NBDY: variants seen among roughly 807,000 people sequenced by gnomAD.
NBDY encodes P-body dissociating protein.
chrX:56,735,586 C>T (rs760705068), intron 2 of NBDY, among the ~76,000 whole-genome samples: 17 of 111,763 alleles, frequency 1.5e-4, no homozygotes, highest in Admixed American at 2.8e-4. Flanking sequence ...TCCACCCACC[C>T]GGCTCCCTAC....
intron 2 of NBDY, among the ~76,000 whole-genome samples, chrX:56,745,165 G>A (rs2069550543): frequency 9.0e-6 from 1 of 111,577 alleles, no homozygotes. Flanking sequence ...GGGCGGGTAA[G>A]GAATACAGCG....
At chrX:56,808,317 G>C (rs753489198) in intron 2 of NBDY, among the ~76,000 whole-genome samples, 2 of 111,871 alleles carry the variant, frequency 1.8e-5, no homozygotes, top group African/African-American at 3.3e-5. Context: ...GTTTGGAATA[G>C]TTTCAGAAGG....
chrX:56,816,742 T>A (rs2069912499), intron 2 of NBDY, among the ~76,000 whole-genome samples: 1 of 110,452 alleles, frequency 9.1e-6, no homozygotes, highest in Non-Finnish European at 1.9e-5. Flanking sequence ...TAAATAGAAA[T>A]AAAAAGGTCT....
intron 2 of NBDY, among the ~76,000 whole-genome samples, chrX:56,791,189 C>T (rs1433014615): frequency 8.9e-6 from 1 of 112,300 alleles, no homozygotes; most frequent in Non-Finnish European, 1.9e-5. Context: ...GTTTTGTCCA[C>T]TTTTGTTTGG....
chrX:56,731,466 G>A (rs1199766456), intron 1 of NBDY, among the ~76,000 whole-genome samples: 1 of 108,976 alleles, frequency 9.2e-6, no homozygotes, highest in Non-Finnish European at 1.9e-5. Context: ...AGCTACTCGG[G>A]ACGCTGAATT....
At chrX:56,738,579 T>G (rs975191577) in intron 2 of NBDY, among the ~76,000 whole-genome samples, 1 of 111,821 alleles carries the variant, frequency 8.9e-6, no homozygotes, top group Non-Finnish European at 1.9e-5. Context: ...CCTCTCTCTT[T>G]AGGCTCAAAT....
At chrX:56,781,422 A>T (rs1367372118) in intron 2 of NBDY, among the ~76,000 whole-genome samples, 6 of 111,763 alleles carry the variant, frequency 5.4e-5, no homozygotes, top group Non-Finnish European at 9.4e-5. Context: ...CTGGCCCAAC[A>T]GATCTTTGTG....
At chrX:56,784,226 C>T (rs187909829) in intron 2 of NBDY, among the ~76,000 whole-genome samples, 1 of 112,352 alleles carries the variant, frequency 8.9e-6, no homozygotes, top group East Asian at 2.8e-4. Context: ...TAGCACTCTT[C>T]CTCTTGGGGA....
At chrX:56,748,128 C>T (rs1461508408) in intron 2 of NBDY, among the ~76,000 whole-genome samples, 1 of 111,430 alleles carries the variant, frequency 9.0e-6, no homozygotes, top group Non-Finnish European at 1.9e-5. Context: ...AGGATAATCT[C>T]CTTTACTTAA....
intron 2 of NBDY, among the ~76,000 whole-genome samples, chrX:56,809,064 C>G (rs1376108002): frequency 8.9e-6 from 1 of 112,433 alleles, no homozygotes; most frequent in Non-Finnish European, 1.9e-5. Flanking sequence ...TGTAGCTGTG[C>G]GGTTTTGAGT....
At chrX:56,751,609 A>G (rs1387665557) in intron 2 of NBDY, among the ~76,000 whole-genome samples, 1 of 112,038 alleles carries the variant, frequency 8.9e-6, no homozygotes, top group Non-Finnish European at 1.9e-5. Context: ...TGTAAACAAC[A>G]CCTAGATCAA....
chrX:56,810,536 C>T (rs775899497), intron 2 of NBDY, among the ~76,000 whole-genome samples: 17 of 109,333 alleles, frequency 1.6e-4, no homozygotes, highest in Non-Finnish European at 2.8e-4. Context: ...CTGCTTGATC[C>T]ATTCAGCTAT....
At chrX:56,739,286 A>G (rs7052663) in intron 2 of NBDY, among the ~76,000 whole-genome samples, 1 of 44,383 alleles carries the variant, frequency 2.3e-5, no homozygotes, top group African/African-American at 1.1e-4. Context: ...ATATATTTTT[A>G]TATATATATA....
intron 2 of NBDY, among the ~76,000 whole-genome samples, chrX:56,749,844 G>A (rs2069575736): frequency 9.1e-6 from 1 of 110,479 alleles, no homozygotes; most frequent in Non-Finnish European, 1.9e-5. Context: ...TAGAAACGGG[G>A]TTTTGCCATG....
chrX:56,816,424 G>C (rs1289303357), intron 2 of NBDY, among the ~76,000 whole-genome samples: 1 of 110,760 alleles, frequency 9.0e-6, no homozygotes, highest in East Asian at 2.8e-4. Flanking sequence ...TTTATTTGTA[G>C]AATATATGGA....
intron 1 of NBDY, among the ~76,000 whole-genome samples, chrX:56,730,513 CAA>C (rs1157131797): frequency 2.1e-3 from 23 of 11,211 alleles, no homozygotes; most frequent in African/African-American, 4.4e-3. Flanking sequence ...AACTACGTCT[CAA>C]AAAAAAAAAA....
intron 2 of NBDY, among the ~76,000 whole-genome samples, chrX:56,781,315 CATTTTTCTT>C (rs1195769246): frequency 8.9e-6 from 1 of 111,947 alleles, no homozygotes; most frequent in Admixed American, 9.5e-5. Flanking sequence ...CCCTCCTGTT[CATTTTTCTT>C]ATTGCTTTCT....
intron 2 of NBDY, among the ~76,000 whole-genome samples, chrX:56,801,583 C>T (rs1007660960): frequency 4.5e-5 from 5 of 111,341 alleles, no homozygotes; most frequent in South Asian, 3.8e-4. Flanking sequence ...CAATGTGTTA[C>T]TTTTCATGAA....
chrX:56,732,891 A>G (rs767259875), intron 2 of NBDY, among the ~76,000 whole-genome samples: 6 of 110,916 alleles, frequency 5.4e-5, no homozygotes, highest in East Asian at 2.8e-4. Context: ...ACAATAATCA[A>G]TTTTCTAATG....
Sources: gnomAD v4.1 joint callset for allele counts (sites outside exome capture counted in the v4.1 genomes callset) on GRCh38, gnomAD v4.1.1 for gene constraint, MANE v1.5 for transcripts, NCBI Gene and HGNC (gene_info 2026-07-23, HGNC 2026-07-21) for gene names.